HAPSTR1: variants seen among roughly 807,000 people sequenced by gnomAD.
The protein encoded by HAPSTR1 is HUWE1 associated protein modifying stress responses, also known as HUWE1-associated protein modifying stress responses 1.
the HAPSTR1 span, chr16:9,106,862 C>T: frequency 6.6e-6 from 1 of 152,092 alleles, no homozygotes; most frequent in African/African-American, 2.4e-5. Flanking sequence ...ACTGGTAACT[C>T]GTTTTTATGT....
chr16:9,116,628 C>A, the HAPSTR1 span: 2 of 1,597,574 alleles, frequency 1.3e-6, no homozygotes, highest in African/African-American at 1.3e-5. Context: ...AAAAGGGTTA[C>A]ATAATTGAGC....
At chr16:9,102,974 T>TC in the HAPSTR1 span, 2 of 1,610,018 alleles carry the variant, frequency 1.2e-6, no homozygotes, top group Non-Finnish European at 1.7e-6. Context: ...TTTTTCTTTT[T>TC]TTCTAACAGA....
the HAPSTR1 span, among the ~76,000 whole-genome samples, chr16:9,115,790 T>G: frequency 6.6e-6 from 1 of 152,072 alleles, no homozygotes; most frequent in Non-Finnish European, 1.5e-5. Context: ...ATTTTTGTAT[T>G]TTTTAGTAGA....
At chr16:9,116,864 C>G in the HAPSTR1 span, 1 of 1,614,154 alleles carries the variant, frequency 6.2e-7, no homozygotes, top group Non-Finnish European at 8.5e-7. Context: ...CCCAGTGTGG[C>G]GATGTCATTA....
chr16:9,110,412 G>C, the HAPSTR1 span: 13 of 152,130 alleles, frequency 8.5e-5, no homozygotes, highest in African/African-American at 2.9e-4. Context: ...CCCTAGAAAA[G>C]GGAAGCTCAT....
At chr16:9,099,606 G>A in the HAPSTR1 span, among the ~76,000 whole-genome samples, 4 of 152,198 alleles carry the variant, frequency 2.6e-5, no homozygotes, top group Non-Finnish European at 5.9e-5. Context: ...CTTTTTCACA[G>A]TGACTTTGGT....
chr16:9,117,095 G>A, the HAPSTR1 span: 1 of 821,002 alleles, frequency 1.2e-6, no homozygotes. Flanking sequence ...TTGTAATTAT[G>A]GCTTTCTTAA....
the HAPSTR1 span, chr16:9,119,482 C>T: frequency 1.8e-4 from 27 of 152,218 alleles, no homozygotes; most frequent in African/African-American, 5.8e-4. Flanking sequence ...CTGCTCCTGT[C>T]GCCCTAACTT....
the HAPSTR1 span, chr16:9,103,705 G>A: frequency 6.2e-6 from 1 of 162,348 alleles, no homozygotes; most frequent in Non-Finnish European, 1.3e-5. Flanking sequence ...TTCTTACTTG[G>A]TTTGCTGTAG....
At chr16:9,103,307 C>T in the HAPSTR1 span, 2 of 1,567,838 alleles carry the variant, frequency 1.3e-6, no homozygotes, top group Non-Finnish European at 8.6e-7. Flanking sequence ...TAAGAGGGTG[C>T]CTGTGGACCC....
At chr16:9,116,699 G>T in the HAPSTR1 span, 2 of 1,614,028 alleles carry the variant, frequency 1.2e-6, no homozygotes, top group African/African-American at 2.7e-5. Flanking sequence ...GTATAAGCGT[G>T]CGTTCGAGTA....
the HAPSTR1 span, chr16:9,110,157 CCT>C: frequency 2.2e-5 from 2 of 91,840 alleles, no homozygotes; most frequent in African/African-American, 5.5e-5. Context: ...TCTGGGTTCT[CCT>C]TTTTTTTTTT....
At chr16:9,100,737 C>T in the HAPSTR1 span, among the ~76,000 whole-genome samples, 1 of 151,886 alleles carries the variant, frequency 6.6e-6, no homozygotes, top group African/African-American at 2.4e-5. Context: ...GTTTTGCCAT[C>T]TTGGCCAGGC....
At chr16:9,103,153 T>C in the HAPSTR1 span, 1 of 1,614,000 alleles carries the variant, frequency 6.2e-7, no homozygotes, top group Non-Finnish European at 8.5e-7. Context: ...ACTCTAGAGC[T>C]CCCCCAAGAC....
At chr16:9,119,212 A>G in the HAPSTR1 span, 1 of 152,460 alleles carries the variant, frequency 6.6e-6, no homozygotes, top group South Asian at 2.1e-4. Context: ...GAAGCTCAGC[A>G]GTAGAAGCGT....
At chr16:9,095,142 G>T in the HAPSTR1 span, among the ~76,000 whole-genome samples, 1 of 152,172 alleles carries the variant, frequency 6.6e-6, no homozygotes, top group Non-Finnish European at 1.5e-5. Flanking sequence ...CCTTGTTTCT[G>T]TACAGTGAAA....
the HAPSTR1 span, among the ~76,000 whole-genome samples, chr16:9,095,959 A>ATT: frequency 2.4e-4 from 36 of 152,120 alleles, no homozygotes; most frequent in African/African-American, 7.7e-4. Flanking sequence ...AGATCAGTAT[A>ATT]TTTTTTGATT....
At chr16:9,100,406 C>T in the HAPSTR1 span, among the ~76,000 whole-genome samples, 2 of 152,000 alleles carry the variant, frequency 1.3e-5, no homozygotes, top group Non-Finnish European at 2.9e-5. Context: ...TGGCCAAGCT[C>T]TTCACAGGAT....
the HAPSTR1 span, chr16:9,092,285 G>A: frequency 7.9e-6 from 12 of 1,518,858 alleles, no homozygotes; most frequent in Non-Finnish European, 9.7e-6. Flanking sequence ...GGCCGCCGCC[G>A]CCATCTTGGT....
Sources: gnomAD v4.1 joint callset for allele counts (sites outside exome capture counted in the v4.1 genomes callset) on GRCh38, gnomAD v4.1.1 for gene constraint, MANE v1.5 for transcripts, NCBI Gene and HGNC (gene_info 2026-07-23, HGNC 2026-07-21) for gene names.